RNF17: variants seen among roughly 807,000 people sequenced by gnomAD.
RNF17 encodes the protein spermatogenesis associated 23.
In RNF17, 31 loss-of-function variants were observed where a neutral mutation model predicts 200.5. The ratio of observed to expected loss-of-function variants is 0.15; its 90% CI spans 0.12 to 0.21. The LOEUF is 0.21. Ranked by LOEUF, RNF17 falls within the 10% of genes least tolerant of loss-of-function variation. The pLI is 1.00. For synonymous variants in RNF17, 606 were observed against 637.8 expected, an observed-to-expected ratio of 0.95 and a Z score of 0.75; for missense variants, 1,628 against 1,905.1, an observed-to-expected ratio of 0.85 and a Z score of 2.71.
downstream of RNF17, among the ~76,000 whole-genome samples, chr13:24,880,801 G>A (rs1366731940): frequency 6.6e-6 from 1 of 152,144 alleles, no homozygotes; most frequent in African/African-American, 2.4e-5. Flanking sequence ...TTTCTAAACA[G>A]TAATTCTACC....
downstream of RNF17, among the ~76,000 whole-genome samples, chr13:24,881,073 G>T (rs1463348982): frequency 2.0e-5 from 3 of 151,664 alleles, no homozygotes; most frequent in Admixed American, 6.6e-5. Flanking sequence ...TTGATCAGTT[G>T]TTTGTCTTCT....
At chr13:24,768,253 T>C (rs1009488979) in intron 2 of RNF17, among the ~76,000 whole-genome samples, 2 of 151,912 alleles carry the variant, frequency 1.3e-5, no homozygotes, top group African/African-American at 2.4e-5. Flanking sequence ...TTATATAATA[T>C]TGTTCCTGGA....
At chr13:24,750,186 A>G in the RNF17 span, among the ~76,000 whole-genome samples, 11 of 152,228 alleles carry the variant, frequency 7.2e-5, no homozygotes, top group Non-Finnish European at 1.2e-4. Context: ...AAAAATAAAA[A>G]CTACATAATT....
At chr13:24,878,272 A>G (rs903520588) in intron 34 of RNF17, among the ~76,000 whole-genome samples, 1 of 152,240 alleles carries the variant, frequency 6.6e-6, no homozygotes, top group Non-Finnish European at 1.5e-5. Flanking sequence ...GCAGAGTGGT[A>G]TGAATAGCTC....
At chr13:24,796,817 C>T (rs1454126198) in intron 11 of RNF17, among the ~76,000 whole-genome samples, 1 of 152,116 alleles carries the variant, frequency 6.6e-6, no homozygotes, top group Non-Finnish European at 1.5e-5. Context: ...TTTCTTATAA[C>T]GTTGACTGAA....
At chr13:24,856,376 C>T (rs1238142745) in intron 25 of RNF17, among the ~76,000 whole-genome samples, 2 of 147,810 alleles carry the variant, frequency 1.4e-5, no homozygotes, top group African/African-American at 2.5e-5. Context: ...GCCAAGATTG[C>T]GCCACTGCAC....
chr13:24,799,411 C>T lies in RNF17; in HGVS notation c.1416C>T (p.Val472=), dbSNP rs946994509. 1.9e-6 allele frequency: 3 copies of T among 1,606,692 alleles called. No homozygotes were observed. Among genetic ancestry groups the T allele is most frequent in the East Asian group, 2.2e-5 (1 of 44,680 alleles). ...ATTATTTAGGTGCAAGAATATTTGT[C>T]AGCAGTATTAAAAATGGAATGTGGT... is the stretch of plus-strand genomic sequence containing the variant. ...DILELGARIF[V]SSIKNGMWCR... Residue 472 remains valine (V), a synonymous_variant, in exon 12 of 36, where the codon GTC becomes GTT. Transcript: ENST00000255324.
the RNF17 span, among the ~76,000 whole-genome samples, chr13:24,758,291 C>T: frequency 1.3e-5 from 2 of 152,106 alleles, no homozygotes; most frequent in African/African-American, 2.4e-5. Context: ...GGTCTCTGAC[C>T]ACCCACCTCA....
At chr13:24,838,686 C>T (rs2138091894) in intron 18 of RNF17, among the ~76,000 whole-genome samples, 1 of 152,208 alleles carries the variant, frequency 6.6e-6, no homozygotes, top group Middle Eastern at 3.4e-3. Flanking sequence ...TAATAAAAGC[C>T]ATCTATGACA....
intron 28 of RNF17, among the ~76,000 whole-genome samples, chr13:24,864,067 A>G (rs1214200163): frequency 6.6e-6 from 1 of 152,200 alleles, no homozygotes; most frequent in East Asian, 1.9e-4. Flanking sequence ...AGAGAGGCTG[A>G]TAGGAATGGC....
Position 24,853,981 on chromosome 13 carries a change from C to T in RNF17, c.3447C>T (p.Asp1149=). 1 of 1,614,124 alleles carries T rather than the reference C, an allele frequency of 6.2e-7. No homozygotes were observed. Among genetic ancestry groups the T allele is most frequent in the Non-Finnish European group, 8.5e-7 (1 of 1,180,006 alleles). The change falls in exon 25 of 36, where the codon GAC becomes GAT. Residue 1149 remains aspartate, a synonymous_variant. Transcript: ENST00000255324. Reference sequence around the variant, plus strand: ...TTGACCCTGACAAGAAAACTGCTGACATAATCAGTGAACAGAAAGTGTCTG... The same window carrying T: ...TTGACCCTGACAAGAAAACTGCTGATATAATCAGTGAACAGAAAGTGTCTG... ...TNFDPDKKTA[D]IISEQKVSEF...
intron 10 of RNF17, among the ~76,000 whole-genome samples, chr13:24,793,547 A>T (rs1353650561): frequency 6.6e-6 from 1 of 152,208 alleles, no homozygotes; most frequent in Non-Finnish European, 1.5e-5. Flanking sequence ...TAATGCAGTA[A>T]TATAGCTAAC....
intron 15 of RNF17, among the ~76,000 whole-genome samples, chr13:24,823,274 A>G (rs1389133907): frequency 1.3e-5 from 2 of 152,060 alleles, no homozygotes; most frequent in Admixed American, 6.6e-5. Flanking sequence ...GAGTCTCACC[A>G]TGTTGGCCAG....
chr13:24,870,502 T>C (rs983181294), intron 31 of RNF17, 69 bp from the exon 32 acceptor site: 2 of 1,400,326 alleles, frequency 1.4e-6, no homozygotes, highest in African/African-American at 3.0e-5. Flanking sequence ...GCTACAGTAA[T>C]TTTGTCCACA....
At chr13:24,802,701 CT>C in intron 14 of RNF17, 130 bp downstream of exon 14, 1 of 655,024 alleles carries the variant, frequency 1.5e-6, no homozygotes, top group Non-Finnish European at 2.5e-6. Context: ...AAATATTGCT[CT>C]TAGACTTTTC....
the RNF17 span, chr13:24,885,474 C>A: frequency 3.4e-6 from 4 of 1,187,906 alleles, no homozygotes; most frequent in African/African-American, 4.5e-5. Context: ...CTAGTGTTTA[C>A]AAAATATAAC....
downstream of RNF17, among the ~76,000 whole-genome samples, chr13:24,881,267 A>G (rs1255075953): frequency 2.0e-5 from 3 of 151,780 alleles, no homozygotes; most frequent in African/African-American, 7.3e-5. Flanking sequence ...CTACCTCCCA[A>G]GTAGCTGGGA....
At chr13:24,864,759 A>G in intron 28 of RNF17, 114 bp from the exon 29 acceptor site, 1 of 760,586 alleles carries the variant, frequency 1.3e-6, no homozygotes, top group South Asian at 1.7e-5. Context: ...GTCACTAGCC[A>G]AACTGTCTAG....
chr13:24,835,703 G>A (rs1237550460), intron 18 of RNF17, among the ~76,000 whole-genome samples: 1 of 152,162 alleles, frequency 6.6e-6, no homozygotes, highest in Non-Finnish European at 1.5e-5. Flanking sequence ...CCCTCTGACA[G>A]AGCCTATCCA....
Sources: allele counts gnomAD v4.1 joint callset (sites outside exome capture counted in the v4.1 genomes callset), GRCh38; gene constraint gnomAD v4.1.1; transcripts MANE v1.5; gene names NCBI Gene and HGNC (gene_info 2026-07-23, HGNC 2026-07-21).